PPP2R2B: variants seen among roughly 807,000 people sequenced by gnomAD.
PPP2R2B encodes protein phosphatase 2 regulatory subunit Bbeta.
Under a neutral mutation model 46.0 loss-of-function variants are expected in PPP2R2B, and 5 were observed. That is an observed-to-expected ratio of 0.11 (90% CI 0.06 to 0.23). The LOEUF (loss-of-function observed/expected upper bound fraction) is 0.23. Ranked by LOEUF, PPP2R2B falls within the 10% of genes least tolerant of loss-of-function variation. The pLI, the probability that PPP2R2B is intolerant of heterozygous loss-of-function variation, is 1.00. For synonymous variants in PPP2R2B, 215 were observed against 206.7 expected (o/e 1.04, Z -0.34); for missense variants, 367 against 575.0 (o/e 0.64, Z 3.70).
chr5:146,780,714 A>G (rs1755458219), intron 2 of PPP2R2B, among the ~76,000 whole-genome samples: 1 of 152,056 alleles, frequency 6.6e-6, no homozygotes, highest in Non-Finnish European at 1.5e-5. Flanking sequence ...GCTGTTGGTG[A>G]CCCCTCTAGT....
intron 1 of PPP2R2B, among the ~76,000 whole-genome samples, chr5:146,972,923 A>G (rs946751705): frequency 6.6e-6 from 1 of 152,084 alleles, no homozygotes; most frequent in African/African-American, 2.4e-5. Context: ...AAAAACTTTC[A>G]CCCAGCTTAC....
chr5:146,911,110 G>A (rs58871902), intron 1 of PPP2R2B, among the ~76,000 whole-genome samples: 3,712 of 150,010 alleles, frequency 0.025, 144 homozygotes, highest in African/African-American at 0.069. Context: ...TTGAGATGGA[G>A]TCTTGTTTTG....
intron 1 of PPP2R2B, among the ~76,000 whole-genome samples, chr5:147,041,525 A>T (rs2151897084): frequency 6.6e-6 from 1 of 152,162 alleles, no homozygotes; most frequent in South Asian, 2.1e-4. Context: ...ACATGGAAGG[A>T]GGGAGGAGAC....
chr5:146,937,320 G>C (rs1284625833), intron 1 of PPP2R2B, among the ~76,000 whole-genome samples: 1 of 151,702 alleles, frequency 6.6e-6, no homozygotes, highest in African/African-American at 2.4e-5. Context: ...AAAAAAGGGG[G>C]GTTACTAGTA....
At position 146,752,093 on chromosome 5, in the gene PPP2R2B, C is replaced by A. The variant is rs547676170; in HGVS notation, c.71-50951G>T. On this transcript the variant is annotated intron_variant, in intron 2 of 9. Transcript: ENST00000394411. ...CAGAGAACAGATGGTGGATAGAAATCTGTTACAAGTTTATTAGAAAAGTCC... is the reference window on the plus strand; with the variant it reads ...CAGAGAACAGATGGTGGATAGAAATATGTTACAAGTTTATTAGAAAAGTCC... 5.3e-5 allele frequency among the ~76,000 whole-genome samples: 8 copies of A among 152,138 alleles called. No homozygotes were observed. In the South Asian group the frequency reaches 1.7e-3, roughly 32 times the overall value.
At position 146,814,765 on chromosome 5, in the gene PPP2R2B, G is replaced by A. The variant is rs1305628443; in HGVS notation, c.70+63237C>T. On this transcript the variant is annotated intron_variant, in intron 2 of 9. Coordinates refer to ENST00000394411, the MANE Select transcript of PPP2R2B (RefSeq NM_181675.4). ...CTCATGCAGACAGCCCACCCCAAGG[G>A]AAGAATCAGGAAAGAACATAAGACC... is the stretch of plus-strand genomic sequence containing the variant. Among the ~76,000 whole-genome samples the A allele has an allele frequency of 1.2e-4, 18 of 152,316 alleles. 1 individual carries two copies. In the South Asian group the frequency reaches 3.5e-3, roughly 30 times the overall value.
At chr5:146,607,525 G>T (rs910754443) in intron 7 of PPP2R2B, among the ~76,000 whole-genome samples, 1 of 152,230 alleles carries the variant, frequency 6.6e-6, no homozygotes, top group African/African-American at 2.4e-5. Context: ...TGCATAGCGT[G>T]ATGAAGAATG....
At position 146,630,044 on chromosome 5, in the gene PPP2R2B, G is replaced by C. The variant is rs147563196; in HGVS notation, c.790+8207C>G. Among the ~76,000 whole-genome samples the C allele has an allele frequency of 8.9e-3, 1,355 of 152,214 alleles. 21 individuals are homozygous for C. The highest frequency in any genetic ancestry group is 0.031 in the African/African-American group (1,285 of 41,520). ...GGCCAGGCTGGTCTCGAACCTCCTG[G>C]CCTCAAGCAACCCACCTGCCTCAGC... On this transcript the variant is annotated intron_variant, in intron 7 of 9. Transcript: ENST00000394411.
At chr5:147,041,075 C>T (rs1239505425) in intron 1 of PPP2R2B, among the ~76,000 whole-genome samples, 2 of 152,182 alleles carry the variant, frequency 1.3e-5, no homozygotes, top group Admixed American at 6.5e-5. Context: ...GAGGCCAAAA[C>T]ACCACTCTGG....
chr5:146,731,414 T>C (rs1164314078), intron 2 of PPP2R2B, among the ~76,000 whole-genome samples: 1 of 152,242 alleles, frequency 6.6e-6, no homozygotes, highest in East Asian at 1.9e-4. Context: ...ATTAAAATTA[T>C]TTTGCAAGAG....
rs539009364 is a variant in PPP2R2B, at chr5:146,648,034, T to C, written c.625+2513A>G. On this transcript the variant is annotated intron_variant, in intron 6 of 9. Transcript: ENST00000394411. ...CTTGGAGACGGTTGAGTGCTCTCCA[T>C]GGTGGAGACTAGCTAGCTGTGTACC... is the stretch of plus-strand genomic sequence containing the variant. Among the ~76,000 whole-genome samples, 12 of 152,320 alleles carry C rather than the reference T, an allele frequency of 7.9e-5. No individual in the cohort carries two copies. In the East Asian group the frequency reaches 9.7e-4, roughly 12 times the overall value.
chr5:147,070,558 C>T (rs576102226), intron 2 of PPP2R2B, among the ~76,000 whole-genome samples: 2 of 152,282 alleles, frequency 1.3e-5, no homozygotes, highest in South Asian at 4.1e-4. Context: ...ATGCTCTTCT[C>T]ACACACCCTG....
At chr5:146,985,745 GA>G (rs757649165) in intron 1 of PPP2R2B, among the ~76,000 whole-genome samples, 9 of 152,068 alleles carry the variant, frequency 5.9e-5, no homozygotes, top group Non-Finnish European at 8.8e-5. Context: ...AGAGAAACAA[GA>G]AAAGGCATTT....
chr5:146,889,033 G>A (rs574623280), intron 1 of PPP2R2B, among the ~76,000 whole-genome samples: 1 of 152,168 alleles, frequency 6.6e-6, no homozygotes, highest in Non-Finnish European at 1.5e-5. Context: ...AGAGAGAAAC[G>A]ATTTTGTTCT....
intron 6 of PPP2R2B, among the ~76,000 whole-genome samples, chr5:146,644,732 C>T (rs1775462325): frequency 6.6e-6 from 1 of 151,994 alleles, no homozygotes; most frequent in African/African-American, 2.4e-5. Flanking sequence ...TGGGTGTAAC[C>T]CTATCAGCCT....
chr5:147,055,273 TCA>T (rs1757026507), intron 1 of PPP2R2B, among the ~76,000 whole-genome samples: 1 of 152,224 alleles, frequency 6.6e-6, no homozygotes, highest in East Asian at 1.9e-4. Flanking sequence ...CACCAAGTTA[TCA>T]AACAGACAGT....
At chr5:146,597,567 T>C (rs1170935076) in intron 8 of PPP2R2B, among the ~76,000 whole-genome samples, 1 of 152,190 alleles carries the variant, frequency 6.6e-6, no homozygotes, top group Admixed American at 6.5e-5. Flanking sequence ...GGTTAAATCT[T>C]ACTTTCTACC....
intron 7 of PPP2R2B, among the ~76,000 whole-genome samples, chr5:146,609,074 T>C (rs1772585546): frequency 6.6e-6 from 1 of 152,074 alleles, no homozygotes; most frequent in Non-Finnish European, 1.5e-5. Flanking sequence ...AGATCATTCA[T>C]CATGACCAAG....
At chr5:146,918,798 A>AT (rs548500382) in intron 1 of PPP2R2B, among the ~76,000 whole-genome samples, 5 of 151,764 alleles carry the variant, frequency 3.3e-5, no homozygotes, top group East Asian at 1.9e-4. Flanking sequence ...AGACCTTACT[A>AT]TTTTTTTTCC....
Sources: allele counts gnomAD v4.1 joint callset (sites outside exome capture counted in the v4.1 genomes callset), GRCh38; gene constraint gnomAD v4.1.1; transcripts MANE v1.5; gene names NCBI Gene and HGNC (gene_info 2026-07-23, HGNC 2026-07-21).